Variants in DEPTOR observed in about 807,000 individuals in gnomAD.
DEPTOR encodes the protein DEP domain-containing mTOR-interacting protein.
A neutral mutation model predicts 41.6 loss-of-function variants in DEPTOR; 41 were observed. That is an observed-to-expected ratio of 0.98 (90% CI 0.77 to 1.28). DEPTOR has a LOEUF of 1.28. DEPTOR is among the 50% of genes most tolerant of loss of function. The pLI is 0.00. For synonymous variants in DEPTOR, 195 were observed against 192.3 expected (o/e 1.01, Z -0.12); for missense variants, 514 against 527.9 (o/e 0.97, Z 0.26).
chr8:120,036,132 G>A (rs1340764633), intron 8 of DEPTOR, among the ~76,000 whole-genome samples: 1 of 152,172 alleles, frequency 6.6e-6, no homozygotes, highest in Admixed American at 6.5e-5. Context: ...TGACCCATTT[G>A]CTGAGCAGAG....
chr8:119,896,787 C>T (rs949060419), intron 1 of DEPTOR, among the ~76,000 whole-genome samples: 14 of 152,110 alleles, frequency 9.2e-5, no homozygotes, highest in African/African-American at 3.4e-4. Flanking sequence ...CGTGAACCAC[C>T]GTGCCCAGCC....
chr8:120,044,390 G>T (rs1162649091), intron 8 of DEPTOR, among the ~76,000 whole-genome samples: 3 of 152,152 alleles, frequency 2.0e-5, no homozygotes, highest in Non-Finnish European at 4.4e-5. Context: ...TTCCCAAAGT[G>T]CTGGGATTAC....
chr8:119,889,310 G>A (rs955881872), intron 1 of DEPTOR, among the ~76,000 whole-genome samples: 1 of 151,818 alleles, frequency 6.6e-6, no homozygotes, highest in Non-Finnish European at 1.5e-5. Flanking sequence ...ACTTTGGGAG[G>A]CTGAGGTCGG....
chr8:119,968,296 G>T (rs1163893352), intron 4 of DEPTOR, among the ~76,000 whole-genome samples: 1 of 141,220 alleles, frequency 7.1e-6, no homozygotes, highest in Non-Finnish European at 1.6e-5. Context: ...ATTGTGATAA[G>T]AACATTAATA....
intron 1 of DEPTOR, among the ~76,000 whole-genome samples, chr8:119,910,806 G>C (rs1827726739): frequency 6.6e-6 from 1 of 152,166 alleles, no homozygotes; most frequent in South Asian, 2.1e-4. Flanking sequence ...AAGTGTATTT[G>C]ATGTCTGCAT....
chr8:120,034,038 G>A (rs1049405358), intron 8 of DEPTOR, among the ~76,000 whole-genome samples: 6 of 152,122 alleles, frequency 3.9e-5, no homozygotes, highest in Non-Finnish European at 7.4e-5. Flanking sequence ...TTGCACTCCA[G>A]TCTGGGTGAC....
intron 3 of DEPTOR, among the ~76,000 whole-genome samples, chr8:119,935,850 A>G (rs1333228508): frequency 6.6e-6 from 1 of 152,200 alleles, no homozygotes; most frequent in East Asian, 1.9e-4. Context: ...GTTTTTCCTC[A>G]CTAAACCCAG....
intron 7 of DEPTOR, among the ~76,000 whole-genome samples, chr8:120,008,186 T>C (rs1045403379): frequency 5.3e-5 from 8 of 152,248 alleles, no homozygotes; most frequent in South Asian, 2.1e-4. Flanking sequence ...TTCACTTCTT[T>C]TCCCCCCTTG....
intron 1 of DEPTOR, among the ~76,000 whole-genome samples, chr8:119,911,132 A>T (rs897100541): frequency 2.0e-5 from 3 of 152,010 alleles, no homozygotes; most frequent in Non-Finnish European, 4.4e-5. Flanking sequence ...GACTGACCAG[A>T]TACCGTGGCC....
At chr8:119,886,552 T>C (rs944049226) in intron 1 of DEPTOR, among the ~76,000 whole-genome samples, 1 of 151,766 alleles carries the variant, frequency 6.6e-6, no homozygotes, top group Non-Finnish European at 1.5e-5. Context: ...CATAGACACA[T>C]ACAGGAGTCA....
At chr8:119,957,744 A>G (rs1488476518) in intron 3 of DEPTOR, among the ~76,000 whole-genome samples, 5 of 152,160 alleles carry the variant, frequency 3.3e-5, no homozygotes, top group South Asian at 2.1e-4. Flanking sequence ...ACGCGCCACC[A>G]TGCCCGGCTA....
chr8:119,945,812 T>A (rs1402066058), intron 3 of DEPTOR, among the ~76,000 whole-genome samples: 1 of 152,114 alleles, frequency 6.6e-6, no homozygotes, highest in African/African-American at 2.4e-5. Flanking sequence ...GGCACACGGG[T>A]CAGCGTTAGG....
At chr8:119,909,106 G>A (rs943825205) in intron 1 of DEPTOR, among the ~76,000 whole-genome samples, 1 of 152,218 alleles carries the variant, frequency 6.6e-6, no homozygotes, top group African/African-American at 2.4e-5. Context: ...TGCTAGGATG[G>A]AAAGATATTG....
chr8:119,998,502 G>C (rs1812301982), intron 4 of DEPTOR, among the ~76,000 whole-genome samples: 1 of 152,058 alleles, frequency 6.6e-6, no homozygotes, highest in Non-Finnish European at 1.5e-5. Context: ...CAAGTTTTTT[G>C]CTTCTGGGGG....
At chr8:119,952,486 C>T (rs951959621) in intron 3 of DEPTOR, among the ~76,000 whole-genome samples, 1 of 152,208 alleles carries the variant, frequency 6.6e-6, no homozygotes, top group Admixed American at 6.5e-5. Flanking sequence ...TTCCAAGATA[C>T]ATGTGCAGAA....
chr8:119,939,016 C>T (rs1029197380), intron 3 of DEPTOR, among the ~76,000 whole-genome samples: 7 of 150,890 alleles, frequency 4.6e-5, no homozygotes, highest in Non-Finnish European at 8.8e-5. Flanking sequence ...GCAAAGTTGT[C>T]TAGCCTGACA....
chr8:119,918,850 C>T (rs558840306), intron 1 of DEPTOR, among the ~76,000 whole-genome samples: 1 of 151,852 alleles, frequency 6.6e-6, no homozygotes, highest in African/African-American at 2.4e-5. Flanking sequence ...TGCCTCAGAC[C>T]CCCAAAATGC....
intron 3 of DEPTOR, among the ~76,000 whole-genome samples, chr8:119,960,529 C>T (rs1230136036): frequency 1.3e-5 from 2 of 152,182 alleles, no homozygotes; most frequent in African/African-American, 4.8e-5. Flanking sequence ...CCATTTTCAT[C>T]AGTTCATAGC....
At chr8:119,975,841 C>G (rs1357578746) in intron 4 of DEPTOR, among the ~76,000 whole-genome samples, 4 of 146,348 alleles carry the variant, frequency 2.7e-5, no homozygotes, top group African/African-American at 1.0e-4. Context: ...TCTATCATGG[C>G]TCTCCTGCTC....
Sources: allele counts gnomAD v4.1 joint callset (sites outside exome capture counted in the v4.1 genomes callset), GRCh38; gene constraint gnomAD v4.1.1; transcripts MANE v1.5; gene names NCBI Gene and HGNC (gene_info 2026-07-23, HGNC 2026-07-21).